The following RIMS2 variants were observed in gnomAD, a reference collection of about 807,000 sequenced individuals.
The protein encoded by RIMS2 is regulating synaptic membrane exocytosis 2.
In RIMS2, 59 loss-of-function variants were observed where a neutral mutation model predicts 174.4. The ratio of observed to expected loss-of-function variants is 0.34; its 90% confidence interval spans 0.27 to 0.42. The LOEUF (loss-of-function observed/expected upper bound fraction) is 0.42. RIMS2 is among the 10% of genes least tolerant of loss of function. The pLI is 1.00. For missense variants in RIMS2, 1,620 were observed against 1,666.3 expected (o/e 0.97, Z 0.48); for synonymous variants, 606 against 572.5 (o/e 1.06, Z -0.84).
rs545191185 is a variant in RIMS2, at chr8:103,704,635, C to T, written c.387+7339C>T. On this transcript the variant is annotated intron_variant, in intron 2 of 23. Transcript: ENST00000504942. ...TTTGATGACAGACTTTTTATTATGG[C>T]TTCAATCTTTTTACTTATATTGGTC... 1.7e-4 allele frequency among the ~76,000 whole-genome samples: 26 copies of T among 152,086 alleles called. No homozygotes were observed. In the South Asian group the frequency reaches 5.2e-3, roughly 30 times the overall value.
At chr8:103,705,030 A>C (rs1251360870) in intron 2 of RIMS2, among the ~76,000 whole-genome samples, 1 of 151,590 alleles carries the variant, frequency 6.6e-6, no homozygotes, top group East Asian at 1.9e-4. Context: ...TAGTTCTTTA[A>C]CATGCATTAT....
rs1482395194 is a variant in RIMS2 at position 103,603,785 on chromosome 8, A to G, written c.177-93301A>G. ...ATTTTTTCATGTGTTTTTTGGCTGC[A>G]TAAATGTCTTCTTTTGAGAAGTGTC... On this transcript the variant is annotated intron_variant, in intron 1 of 23. Coordinates refer to ENST00000504942, the Ensembl canonical transcript of RIMS2. Among the ~76,000 whole-genome samples the G allele has an allele frequency of 5.4e-5, 8 of 148,856 alleles. No homozygotes were observed. The South Asian group carries it at 1.3e-3, about 24-fold the overall frequency.
At chr8:103,739,503 A>T (rs1463545860) in intron 2 of RIMS2, among the ~76,000 whole-genome samples, 1 of 152,256 alleles carries the variant, frequency 6.6e-6, no homozygotes, top group Admixed American at 6.5e-5. Context: ...CGTTGTGCAC[A>T]TGTACCCTAG....
chr8:103,707,622 G>T (rs2097249853), intron 2 of RIMS2, among the ~76,000 whole-genome samples: 1 of 152,154 alleles, frequency 6.6e-6, no homozygotes. Flanking sequence ...GTCCCTCTCA[G>T]CACTGTGTTG....
At chr8:104,043,012 G>T (rs2096634514) in intron 19 of RIMS2, among the ~76,000 whole-genome samples, 1 of 151,534 alleles carries the variant, frequency 6.6e-6, no homozygotes, top group Non-Finnish European at 1.5e-5. Context: ...ATTCATGAAA[G>T]AAGAGAATTT....
At chr8:104,086,317 C>T (rs2097537329) in intron 19 of RIMS2, among the ~76,000 whole-genome samples, 2 of 134,304 alleles carry the variant, frequency 1.5e-5, no homozygotes, top group African/African-American at 5.6e-5. Flanking sequence ...GATAGAATGG[C>T]TTAAGAGTTG....
intron 3 of RIMS2, among the ~76,000 whole-genome samples, chr8:103,848,436 C>T (rs2098979384): frequency 6.6e-6 from 1 of 151,986 alleles, no homozygotes; most frequent in African/African-American, 2.4e-5. Context: ...CTTCCTTGTC[C>T]CATCTGGACC....
At chr8:104,240,087 G>A (rs1334761430) in intron 19 of RIMS2, among the ~76,000 whole-genome samples, 2 of 152,122 alleles carry the variant, frequency 1.3e-5, no homozygotes, top group Non-Finnish European at 2.9e-5. Context: ...GAATTTTCTT[G>A]TGTTTCACAT....
At chr8:104,009,984 G>A (rs1386188930) in intron 17 of RIMS2, among the ~76,000 whole-genome samples, 2 of 148,538 alleles carry the variant, frequency 1.3e-5, no homozygotes, top group African/African-American at 4.9e-5. Flanking sequence ...AGATATGGAT[G>A]GATAGATGGA....
chr8:104,112,491 A>G (rs906420397), intron 19 of RIMS2, among the ~76,000 whole-genome samples: 2 of 152,108 alleles, frequency 1.3e-5, no homozygotes, highest in Non-Finnish European at 2.9e-5. Context: ...TGATATATGT[A>G]TGTGTCATGG....
chr8:103,937,613 A>G (rs2081565631), intron 13 of RIMS2, among the ~76,000 whole-genome samples: 1 of 152,182 alleles, frequency 6.6e-6, no homozygotes, highest in African/African-American at 2.4e-5. Flanking sequence ...TGCTGTGCAG[A>G]GGAGGGCAGG....
intron 9 of RIMS2, 119 bp downstream of exon 12, chr8:103,918,606 T>A: frequency 1.3e-6 from 1 of 749,356 alleles, no homozygotes; most frequent in Non-Finnish European, 2.3e-6. Context: ...ATCAAGTCTG[T>A]AAGCATATAA....
chr8:103,873,862 A>C (rs1052543165), intron 3 of RIMS2, among the ~76,000 whole-genome samples: 1 of 152,144 alleles, frequency 6.6e-6, no homozygotes. Context: ...ACAGCTGATA[A>C]GAAAGCAACA....
At chr8:103,658,491 C>T (rs1243079671) in intron 1 of RIMS2, among the ~76,000 whole-genome samples, 1 of 152,136 alleles carries the variant, frequency 6.6e-6, no homozygotes, top group African/African-American at 2.4e-5. Flanking sequence ...TGGGTGGAAG[C>T]TGTATACTTT....
At chr8:103,834,690 T>TTCTTTC (rs1208516208) in intron 3 of RIMS2, among the ~76,000 whole-genome samples, 100 of 63,272 alleles carry the variant, frequency 1.6e-3, no homozygotes, top group Admixed American at 2.9e-3. Flanking sequence ...CTTTCTTTCT[T>TTCTTTC]TCTTTCTTTC....
chr8:103,753,053 A>G (rs1464819798), intron 2 of RIMS2, among the ~76,000 whole-genome samples: 2 of 152,022 alleles, frequency 1.3e-5, no homozygotes, highest in Non-Finnish European at 2.9e-5. Flanking sequence ...CCCATTCAGT[A>G]TGATATTGGC....
At chr8:103,789,066 C>T (rs995850828) in intron 3 of RIMS2, among the ~76,000 whole-genome samples, 4 of 146,784 alleles carry the variant, frequency 2.7e-5, no homozygotes, top group South Asian at 2.1e-4. Flanking sequence ...TTCTTTGACT[C>T]GGAAAGGGAA....
chr8:103,958,100 T>C (rs565642092), intron 14 of RIMS2, among the ~76,000 whole-genome samples: 7 of 152,308 alleles, frequency 4.6e-5, no homozygotes, highest in Middle Eastern at 3.4e-3. Flanking sequence ...GACACATGCA[T>C]GTGAATGTTC....
chr8:104,097,781 A>G (rs542527506), intron 19 of RIMS2, among the ~76,000 whole-genome samples: 1 of 152,208 alleles, frequency 6.6e-6, no homozygotes, highest in Non-Finnish European at 1.5e-5. Flanking sequence ...GACATTTTAT[A>G]TCTTTTATTT....
Sources: allele counts gnomAD v4.1 joint callset (sites outside exome capture counted in the v4.1 genomes callset), GRCh38; gene constraint gnomAD v4.1.1; transcripts MANE v1.5; gene names NCBI Gene and HGNC (gene_info 2026-07-23, HGNC 2026-07-21).